NR2C2: variants seen among roughly 807,000 people sequenced by gnomAD.
The protein encoded by NR2C2 is nuclear receptor subfamily 2 group C member 2, also known as Nuclear hormone receptor TR4.
A neutral mutation model predicts 62.9 loss-of-function variants in NR2C2; 6 were observed. The observed-to-expected ratio is 0.10, with a 90% CI of 0.05 to 0.19. The LOEUF is 0.19. Ranked by LOEUF, NR2C2 falls within the 10% of genes least tolerant of loss-of-function variation. The pLI, the probability that NR2C2 is intolerant of heterozygous loss-of-function variation, is 1.00. For synonymous variants in NR2C2, 272 were observed against 273.8 expected (o/e 0.99, Z 0.07); for missense variants, 479 against 762.7 (o/e 0.63, Z 4.38).
At chr3:15,028,805 T>C (rs2041892531) in intron 8 of NR2C2, 86 bp downstream of exon 8, 1 of 1,328,764 alleles carries the variant, frequency 7.5e-7, no homozygotes. Flanking sequence ...TTTTGGTACC[T>C]GTGCTGTATT....
intron 1 of NR2C2, among the ~76,000 whole-genome samples, chr3:14,954,470 G>A (rs926604005): frequency 6.6e-6 from 1 of 152,132 alleles, no homozygotes; most frequent in African/African-American, 2.4e-5. Flanking sequence ...CTCCAAACTA[G>A]AAACAATCTA....
intron 1 of NR2C2, among the ~76,000 whole-genome samples, chr3:14,973,936 A>G (rs2040125993): frequency 6.6e-6 from 1 of 152,202 alleles, no homozygotes. Flanking sequence ...CAGTAAACCA[A>G]TCATAAAGTC....
chr3:14,986,909 G>A (rs1356244986), intron 1 of NR2C2, among the ~76,000 whole-genome samples: 1 of 152,116 alleles, frequency 6.6e-6, no homozygotes, highest in Non-Finnish European at 1.5e-5. Flanking sequence ...TGCCCACCAG[G>A]ATGATTCAGG....
At chr3:15,012,230 C>CTT (rs112840297) in intron 2 of NR2C2, among the ~76,000 whole-genome samples, 25 of 145,872 alleles carry the variant, frequency 1.7e-4, no homozygotes, top group Non-Finnish European at 3.3e-4. Flanking sequence ...AGTTCCATTT[C>CTT]TTTTTTTTTT....
At chr3:15,042,750 C>A in intron 13 of NR2C2, 84 bp from the exon 14 acceptor site, 1 of 1,294,192 alleles carries the variant, frequency 7.7e-7, no homozygotes, top group Non-Finnish European at 1.1e-6. Flanking sequence ...CTGTGCAATA[C>A]AGACGGGACC....
At chr3:15,037,935 CCTCAAATAAGCTGGTTTTATT>C in intron 11 of NR2C2, 44 bp from the exon 12 acceptor site, 1 of 1,498,336 alleles carries the variant, frequency 6.7e-7, no homozygotes, top group Non-Finnish European at 9.0e-7. Flanking sequence ...ATATGTGGCC[CCTCAAATAAGCTGGTTTTATT>C]GTTCTTACCA....
At chr3:14,997,295 G>A (rs560662794) in intron 1 of NR2C2, among the ~76,000 whole-genome samples, 1 of 152,094 alleles carries the variant, frequency 6.6e-6, no homozygotes, top group African/African-American at 2.4e-5. Context: ...TAGGTTTGTT[G>A]TAAGTACATG....
chr3:15,031,911 T>TA (rs1328044030), intron 9 of NR2C2, among the ~76,000 whole-genome samples: 1 of 151,988 alleles, frequency 6.6e-6, no homozygotes, highest in African/African-American at 2.4e-5. Context: ...GTATTTTTAA[T>TA]AGAGACAGGG....
In NR2C2 at chr3:15,047,079, A is replaced by G. The variant is rs967609347; in HGVS notation, c.*4071A>G. On this transcript the variant is annotated 3_prime_UTR_variant, in exon 14 of 14. Coordinates refer to ENST00000425241, the MANE Select transcript of NR2C2 (RefSeq NM_001291694.2). The stretch of plus-strand genomic sequence containing the variant: ...ATGTACATGTGTTTATATCCTCTCC[A>G]TATGTACAGTGTATATAGTGTGTGT... 2.0e-5 allele frequency: 3 copies of G among 152,646 alleles called. No individual in the cohort carries two copies. The highest frequency in any genetic ancestry group is 6.5e-5 in the Admixed American group (1 of 15,288). 9.5% of individuals were successfully genotyped at this position (152,646 alleles called of 1,614,324 possible).
At chr3:15,000,424 A>G (rs1211521702) in intron 1 of NR2C2, among the ~76,000 whole-genome samples, 1 of 152,076 alleles carries the variant, frequency 6.6e-6, no homozygotes, top group African/African-American at 2.4e-5. Flanking sequence ...CTATTGATGG[A>G]CTTGTTGGTT....
intron 1 of NR2C2, among the ~76,000 whole-genome samples, chr3:14,979,534 G>A (rs1164630614): frequency 6.6e-6 from 1 of 152,204 alleles, no homozygotes; most frequent in African/African-American, 2.4e-5. Flanking sequence ...AAAGTGACAG[G>A]AATTACTGTC....
intron 1 of NR2C2, among the ~76,000 whole-genome samples, chr3:14,982,696 T>A (rs921387806): frequency 2.6e-5 from 4 of 152,206 alleles, no homozygotes; most frequent in African/African-American, 9.6e-5. Context: ...TAAATTCATT[T>A]AGATTTTTAT....
intron 3 of NR2C2, among the ~76,000 whole-genome samples, chr3:15,014,739 A>G (rs1575006566): frequency 6.6e-6 from 1 of 152,286 alleles, no homozygotes; most frequent in East Asian, 1.9e-4. Context: ...AAGTGAAATC[A>G]GCCTTTGTGT....
chr3:15,037,868 G>T lies in NR2C2; in HGVS notation c.1373-132G>T, dbSNP rs1008751190. On this transcript the variant is annotated intron_variant, in intron 11 of 13. Transcript: ENST00000425241. ...TCTGCAGCTGGAAAATGAAGCTCTT[G>T]TTCACCTTGAGATTACTGATTTTTC... 1.3e-5 allele frequency: 13 copies of T among 983,644 alleles called. No homozygotes were observed. The African/African-American group carries it at 2.2e-4, about 16-fold the overall frequency. 60.9% of individuals were successfully genotyped at this position (983,644 alleles called of 1,614,324 possible). A position where few individuals can be genotyped will look rare whatever the true frequency, so the allele number is the denominator to read the frequency against.
At chr3:15,039,096 G>GGA (rs1553575024) in intron 12 of NR2C2, 26 bp from the exon 13 acceptor site, 1 of 1,123,102 alleles carries the variant, frequency 8.9e-7, no homozygotes, top group African/African-American at 2.0e-5. Flanking sequence ...AGAGGGAACT[G>GGA]GGGGGGGGTA....
intron 1 of NR2C2, among the ~76,000 whole-genome samples, chr3:14,966,447 C>T (rs148651506): frequency 7.2e-4 from 109 of 152,278 alleles, no homozygotes; most frequent in South Asian, 5.2e-3. Flanking sequence ...TTTAGCTGGA[C>T]GTGGTGGCGC....
At chr3:15,013,829 T>TA (rs1180267242) in intron 3 of NR2C2, 40 bp downstream of exon 3, 1 of 1,601,074 alleles carries the variant, frequency 6.2e-7, no homozygotes. Context: ...GCACTTCTGC[T>TA]ATTGAACTTG....
intron 2 of NR2C2, among the ~76,000 whole-genome samples, chr3:15,012,080 G>A (rs1432268663): frequency 6.6e-6 from 1 of 152,124 alleles, no homozygotes; most frequent in Non-Finnish European, 1.5e-5. Flanking sequence ...CGTAGTGGGT[G>A]CTCAGTAAAC....
chr3:15,024,139 G>A lies in NR2C2; in HGVS notation c.729G>A (p.Gly243=), dbSNP rs1171858936. ...GARQTGLLDP[G]MLVNIQQPLI... Reference sequence around the variant, plus strand: ...GACAAACAGGTCTTCTTGATCCAGGGATGCTTGTGAACATCCAGCAGCCTT... The same window carrying A: ...GACAAACAGGTCTTCTTGATCCAGGAATGCTTGTGAACATCCAGCAGCCTT... The change falls in exon 7 of 14, where the codon GGG becomes GGA. Residue 243 remains glycine, a synonymous_variant. Coordinates refer to ENST00000425241, the MANE Select transcript of NR2C2 (RefSeq NM_001291694.2). The A allele has an allele frequency of 1.4e-5, 22 of 1,612,782 alleles. No individual in the cohort carries two copies. In the East Asian group the frequency reaches 4.5e-4, roughly 33 times the overall value.
Sources: gnomAD v4.1 joint callset for allele counts (sites outside exome capture counted in the v4.1 genomes callset) on GRCh38, gnomAD v4.1.1 for gene constraint, MANE v1.5 for transcripts, NCBI Gene and HGNC (gene_info 2026-07-23, HGNC 2026-07-21) for gene names.